MITF: variants seen among roughly 807,000 people sequenced by gnomAD.
MITF encodes the protein melanocyte inducing transcription factor.
MITF carries 17 observed loss-of-function variants against 60.5 expected under a neutral mutation model. That is an observed-to-expected ratio of 0.28 (90% confidence interval 0.19 to 0.42). The LOEUF (loss-of-function observed/expected upper bound fraction) is 0.42. Ranked by LOEUF, MITF falls within the 10% of genes least tolerant of loss-of-function variation. The pLI is 1.00. For synonymous variants in MITF, 260 were observed against 248.5 expected, an observed-to-expected ratio of 1.05 and a Z score of -0.43; for missense variants, 622 against 683.5, an observed-to-expected ratio of 0.91 and a Z score of 1.00.
At position 69,849,181 on chromosome 3, in the gene MITF, G is replaced by C. The variant is rs1223742808; in HGVS notation, c.105-29953G>C. Among the ~76,000 whole-genome samples the C allele has an allele frequency of 2.6e-5, 4 of 151,656 alleles. 1 individual carries two copies. The highest frequency in any genetic ancestry group is 9.7e-5 in the African/African-American group (4 of 41,358). ...GGGTTTCACCATTTTAGCCGGGGTG[G>C]TCTCGATCTCCTGACCTCGTGATCC... On this transcript the variant is annotated intron_variant, in intron 1 of 9. Coordinates refer to ENST00000352241, the MANE Select transcript of MITF (RefSeq NM_001354604.2).
At chr3:69,879,553 C>A (rs2064435142) in intron 2 of MITF, among the ~76,000 whole-genome samples, 170 bp downstream of exon 2, 1 of 152,184 alleles carries the variant, frequency 6.6e-6, no homozygotes, top group African/African-American at 2.4e-5. Context: ...AAGAAGGATG[C>A]AAACGCATTG....
At chr3:69,936,165 G>A (rs1011255698) in intron 2 of MITF, among the ~76,000 whole-genome samples, 13 of 152,160 alleles carry the variant, frequency 8.5e-5, no homozygotes, top group Admixed American at 6.5e-5. Flanking sequence ...ATTCAGCACA[G>A]AGTCTCTTCT....
intron 3 of MITF, 142 bp downstream of exon 3, chr3:69,938,191 C>T: frequency 8.7e-7 from 1 of 1,155,708 alleles, no homozygotes; most frequent in Non-Finnish European, 1.3e-6. Flanking sequence ...ACCATCGTGG[C>T]TGTGGCATTC....
chr3:69,792,196 G>GAACTA (rs1157576403), intron 1 of MITF, among the ~76,000 whole-genome samples: 1 of 152,224 alleles, frequency 6.6e-6, no homozygotes, highest in African/African-American at 2.4e-5. Flanking sequence ...AAAGCCAACT[G>GAACTA]AACTAAACTG....
intron 1 of MITF, among the ~76,000 whole-genome samples, chr3:69,749,527 T>C (rs1703850888): frequency 6.6e-6 from 1 of 152,200 alleles, no homozygotes; most frequent in Non-Finnish European, 1.5e-5. Context: ...AACATTAAAA[T>C]AGTGTTGGCC....
chr3:69,810,781 A>T (rs2063088466), intron 1 of MITF, among the ~76,000 whole-genome samples: 1 of 152,174 alleles, frequency 6.6e-6, no homozygotes, highest in African/African-American at 2.4e-5. Flanking sequence ...TGTACATGGG[A>T]CTGGTGCTTA....
At chr3:69,820,912 C>CGT (rs5849923) in intron 1 of MITF, among the ~76,000 whole-genome samples, 323 of 150,978 alleles carry the variant, frequency 2.1e-3, no homozygotes, top group African/African-American at 6.7e-3. Context: ...AGCATTTACT[C>CGT]GTGTGTGTGT....
At chr3:69,849,821 A>C (rs903715925) in intron 1 of MITF, among the ~76,000 whole-genome samples, 2 of 152,186 alleles carry the variant, frequency 1.3e-5, no homozygotes, top group Admixed American at 6.5e-5. Context: ...TTGAAGGTCC[A>C]TCATCCCTGT....
intron 2 of MITF, among the ~76,000 whole-genome samples, chr3:69,905,712 T>A (rs1052390579): frequency 2.0e-5 from 3 of 151,974 alleles, no homozygotes; most frequent in Non-Finnish European, 2.9e-5. Flanking sequence ...TATCTCATTG[T>A]GTGTTTTTTT....
chr3:69,866,335 A>C (rs765433553), intron 1 of MITF: 1 of 1,613,904 alleles, frequency 6.2e-7, no homozygotes, highest in Admixed American at 1.7e-5. Flanking sequence ...GCTCCTTTGA[A>C]AGCTTGTATC....
chr3:69,842,157 G>A (rs1298666094), intron 1 of MITF, among the ~76,000 whole-genome samples: 1 of 152,140 alleles, frequency 6.6e-6, no homozygotes, highest in Non-Finnish European at 1.5e-5. Context: ...AAGATTTTAT[G>A]TAAAATCCAA....
chr3:69,799,188 G>C (rs924551437), intron 1 of MITF, among the ~76,000 whole-genome samples: 1 of 152,168 alleles, frequency 6.6e-6, no homozygotes, highest in Admixed American at 6.5e-5. Flanking sequence ...GAGGTTTTAG[G>C]ATGTGAGGTT....
chr3:69,788,697 A>C (rs1298778063), intron 1 of MITF, among the ~76,000 whole-genome samples: 1 of 152,174 alleles, frequency 6.6e-6, no homozygotes, highest in Admixed American at 6.5e-5. Flanking sequence ...GTTTCAAAAC[A>C]CATTACAAAA....
chr3:69,780,518 A>G (rs2062546222), intron 1 of MITF, among the ~76,000 whole-genome samples: 1 of 152,202 alleles, frequency 6.6e-6, no homozygotes, highest in Non-Finnish European at 1.5e-5. Context: ...TTTATCTCAC[A>G]TAGTTCTGAT....
At chr3:69,756,916 G>A (rs761569349) in intron 1 of MITF, among the ~76,000 whole-genome samples, 17 of 152,084 alleles carry the variant, frequency 1.1e-4, no homozygotes, top group Admixed American at 3.9e-4. Flanking sequence ...ATGTTTGTTG[G>A]CCGCATAAAT....
At chr3:69,953,688 G>C (rs1191115282) in intron 7 of MITF, among the ~76,000 whole-genome samples, 2 of 139,580 alleles carry the variant, frequency 1.4e-5, no homozygotes, top group Non-Finnish European at 3.2e-5. Flanking sequence ...GAGAGAGAGA[G>C]ACAGAGACAG....
chr3:69,848,669 T>G (rs2063771670), intron 1 of MITF, among the ~76,000 whole-genome samples: 1 of 152,138 alleles, frequency 6.6e-6, no homozygotes, highest in African/African-American at 2.4e-5. Context: ...TTGCAAAAAT[T>G]TATGTTTTCA....
At position 69,809,962 on chromosome 3, in the gene MITF, G is replaced by C. The variant is rs572804869; in HGVS notation, c.105-69172G>C. 1.7e-4 allele frequency among the ~76,000 whole-genome samples: 26 copies of C among 152,254 alleles called. No individual in the cohort carries two copies. The South Asian group carries it at 5.4e-3, about 32-fold the overall frequency. ...AAATTTCAACTCTAGTTTATACTTAGAGATTCTGTTTTCATTAGCAGTCTC... is the reference window on the plus strand; with the variant it reads ...AAATTTCAACTCTAGTTTATACTTACAGATTCTGTTTTCATTAGCAGTCTC... On this transcript the variant is annotated intron_variant, in intron 1 of 9. Coordinates refer to ENST00000352241, the MANE Select transcript of MITF (RefSeq NM_001354604.2).
At position 69,938,033 on chromosome 3, in the gene MITF, C is replaced by A. The variant is rs2065884934; in HGVS notation, c.566C>A (p.Ser189Tyr). Reference sequence around the variant, plus strand: ...CCCATGGCTATGCTTACGCTTAACTCCAACTGTGAAAAAGAGGTAATTCAT... The same window carrying A: ...CCCATGGCTATGCTTACGCTTAACTACAACTGTGAAAAAGAGGTAATTCAT... ...NSPMAMLTLNSNCEKEGFYKF... is the reference protein window; with the variant it reads ...NSPMAMLTLNYNCEKEGFYKF... The change falls in exon 3 of 10, where the codon TCC (serine) becomes TAC (tyrosine). Residue 189 changes from serine (S) to tyrosine (Y), a missense_variant. Ser to Tyr is a moderately radical substitution (Grantham distance 144). This residue lies in a region of MITF where 215 missense variants were observed against 224.8 expected (regional missense o/e 0.96). Transcript: ENST00000352241. 1 of 1,614,012 alleles carries A rather than the reference C, an allele frequency of 6.2e-7. No individual in the cohort carries two copies. The highest frequency in any genetic ancestry group is 1.3e-5 in the African/African-American group (1 of 74,944).
Sources: allele counts gnomAD v4.1 joint callset (sites outside exome capture counted in the v4.1 genomes callset), GRCh38; gene constraint gnomAD v4.1.1; regional missense constraint gnomAD v4.1.1; transcripts MANE v1.5; gene names NCBI Gene and HGNC (gene_info 2026-07-23, HGNC 2026-07-21).